Variants in MGAT4C observed in about 807,000 individuals in gnomAD.
The protein encoded by MGAT4C is MGAT4 family member C, also known as alpha-1,3-mannosyl-glycoprotein 4-beta-N-acetylglucosaminyltransferase C.
In MGAT4C, 19 loss-of-function variants were observed where a neutral mutation model predicts 40.1. The ratio of observed to expected loss-of-function variants is 0.47; its 90% confidence interval spans 0.33 to 0.70. The LOEUF (loss-of-function observed/expected upper bound fraction) is 0.70, where lower values mean the gene tolerates loss of function less well. Among genes scored for constraint, MGAT4C ranks in the 30% least tolerant of loss-of-function variants. MGAT4C has a pLI of 0.02. For missense variants in MGAT4C, 491 were observed against 563.2 expected (o/e 0.87, Z 1.30); for synonymous variants, 181 against 187.1 (o/e 0.97, Z 0.27).
At chr12:86,320,967 C>T (rs1035233146) in intron 4 of MGAT4C, among the ~76,000 whole-genome samples, 1 of 151,924 alleles carries the variant, frequency 6.6e-6, no homozygotes, top group Non-Finnish European at 1.5e-5. Flanking sequence ...ATTCTTGCTC[C>T]TAAACAATTA....
chr12:86,097,643 C>T (rs1338796208), intron 1 of MGAT4C, among the ~76,000 whole-genome samples: 1 of 151,492 alleles, frequency 6.6e-6, no homozygotes, highest in Non-Finnish European at 1.5e-5. Flanking sequence ...TATATTTCAG[C>T]ATTTGCTTAT....
At chr12:86,466,440 A>G (rs1957684217) in intron 2 of MGAT4C, among the ~76,000 whole-genome samples, 1 of 152,194 alleles carries the variant, frequency 6.6e-6, no homozygotes, top group Admixed American at 6.5e-5. Flanking sequence ...GAATCTGAAA[A>G]GGCTACATAG....
intron 1 of MGAT4C, among the ~76,000 whole-genome samples, chr12:86,248,523 C>T (rs1262552435): frequency 1.3e-5 from 2 of 152,210 alleles, no homozygotes; most frequent in Admixed American, 6.5e-5. Context: ...ATCACTTGCA[C>T]GCTCTTATGC....
chr12:86,046,878 A>G (rs2136955857), intron 2 of MGAT4C, among the ~76,000 whole-genome samples: 1 of 152,306 alleles, frequency 6.6e-6, no homozygotes, highest in African/African-American at 2.4e-5. Flanking sequence ...TGAATCATAC[A>G]CGAAAGAAAT....
chr12:86,095,194 T>G (rs372529409), intron 1 of MGAT4C, among the ~76,000 whole-genome samples: 1 of 152,124 alleles, frequency 6.6e-6, no homozygotes, highest in East Asian at 1.9e-4. Flanking sequence ...TAAAGAGACT[T>G]GATGACTAGC....
intron 2 of MGAT4C, among the ~76,000 whole-genome samples, chr12:86,652,084 C>G (rs946029589): frequency 6.6e-6 from 1 of 151,690 alleles, no homozygotes; most frequent in Non-Finnish European, 1.5e-5. Context: ...AGTTTTTTTG[C>G]AACTTACTTG....
chr12:86,007,919 CT>C (rs34235744), intron 2 of MGAT4C, among the ~76,000 whole-genome samples: 37,576 of 151,748 alleles, frequency 0.25, 5,835 homozygotes, highest in South Asian at 0.38. Flanking sequence ...GATGAAGTCC[CT>C]TTTCTATCCC....
At position 85,983,591 on chromosome 12, in the gene MGAT4C, A is replaced by G. The variant is rs1201756835; in HGVS notation, c.227T>C (p.Leu76Ser). ...ATTTATGGCTCCTGAGAAATTAGAT[A>G]AATCCTTGAAAGTATGAACATAGCG... Reference protein sequence around the residue: ...SERYVHTFKDLSNFSGAINVT... With the variant: ...SERYVHTFKDSSNFSGAINVT... The change falls in exon 4 of 5, where the codon TTA becomes TCA. Residue 76 changes from leucine to serine, a missense_variant. Leu to Ser is a moderately radical substitution (Grantham distance 145, BLOSUM62 -2). Coordinates refer to ENST00000611864, the MANE Select transcript of MGAT4C (RefSeq NM_001351288.2). 6.3e-7 allele frequency: 1 copy of G among 1,598,412 alleles called. No homozygotes were observed.
rs137890753 is a variant in MGAT4C at position 86,745,731 on chromosome 12, C to A, written c.-261-18490G>T. On this transcript the variant is annotated intron_variant, in intron 1 of 7. Transcript: ENST00000548651. Reference sequence around the variant, plus strand: ...AAATCTGGCTCCATTAAAGTATCTTCTTTTTAATAAAACTACAAAAATTTA... The same window carrying A: ...AAATCTGGCTCCATTAAAGTATCTTATTTTTAATAAAACTACAAAAATTTA... Among the ~76,000 whole-genome samples the A allele has an allele frequency of 5.5e-3, 839 of 151,656 alleles. 3 individuals are homozygous for A. The highest frequency in any genetic ancestry group is 8.9e-3 in the Non-Finnish European group (606 of 67,740).
chr12:86,558,175 A>G (rs1209895758), intron 2 of MGAT4C, among the ~76,000 whole-genome samples: 1 of 152,082 alleles, frequency 6.6e-6, no homozygotes, highest in African/African-American at 2.4e-5. Flanking sequence ...AAAGAAAATA[A>G]AAGAAAGATG....
chr12:86,489,305 C>T (rs539802412), intron 2 of MGAT4C, among the ~76,000 whole-genome samples: 27 of 152,286 alleles, frequency 1.8e-4, no homozygotes, highest in African/African-American at 6.5e-4. Flanking sequence ...GAGCTGCTTT[C>T]ATCACCCAGT....
rs749782221 is a variant in MGAT4C at position 85,980,131 on chromosome 12, G to A, written c.595C>T (p.Arg199Cys). ...YNDPEDRVKF[R>C]SKQNVDYAFL... is the part of the protein sequence containing the mutation. ...GCATAATCTACATTTTGCTTGGAAC[G>A]AAATTTGACTCTATCTTCTGGATCA... The change falls in exon 5 of 5, where the codon CGT becomes TGT. Residue 199 changes from arginine to cysteine, a missense_variant. Coordinates refer to ENST00000611864, the MANE Select transcript of MGAT4C (RefSeq NM_001351288.2). 9 of 1,613,788 alleles carry A rather than the reference G, an allele frequency of 5.6e-6. No homozygotes were observed. Among genetic ancestry groups the A allele is most frequent in the Non-Finnish European group, 6.8e-6 (8 of 1,179,888 alleles).
chr12:86,269,455 T>C (rs1198803403), intron 4 of MGAT4C, among the ~76,000 whole-genome samples: 1 of 151,976 alleles, frequency 6.6e-6, no homozygotes, highest in Non-Finnish European at 1.5e-5. Context: ...CCAATTTAAC[T>C]ACAGTCATAA....
intron 1 of MGAT4C, among the ~76,000 whole-genome samples, chr12:86,079,193 G>T (rs1592874975): frequency 6.6e-6 from 1 of 152,272 alleles, no homozygotes; most frequent in East Asian, 1.9e-4. Flanking sequence ...TGTTGGGTAT[G>T]TAGTCAAATC....
chr12:86,310,779 C>T (rs921413030), intron 4 of MGAT4C, among the ~76,000 whole-genome samples: 1 of 152,070 alleles, frequency 6.6e-6, no homozygotes, highest in Non-Finnish European at 1.5e-5. Context: ...AAAAAATTAG[C>T]CAGGTATGGT....
intron 1 of MGAT4C, among the ~76,000 whole-genome samples, chr12:86,770,164 T>A (rs1951605540): frequency 6.6e-6 from 1 of 152,068 alleles, no homozygotes; most frequent in Non-Finnish European, 1.5e-5. Context: ...TCATAGAACG[T>A]TAGTATTCTA....
At chr12:86,536,663 C>T (rs1227961183) in intron 2 of MGAT4C, among the ~76,000 whole-genome samples, 2 of 152,102 alleles carry the variant, frequency 1.3e-5, no homozygotes, top group East Asian at 1.9e-4. Flanking sequence ...GAGTTTTAAG[C>T]AGAAAAGATT....
chr12:86,159,425 C>CT (rs34467579), intron 1 of MGAT4C, among the ~76,000 whole-genome samples: 109 of 147,854 alleles, frequency 7.4e-4, no homozygotes, highest in Admixed American at 1.4e-3. Context: ...CAATTTGCTA[C>CT]TTTTTTTTTT....
chr12:86,393,462 AC>A (rs1208161619), intron 3 of MGAT4C, among the ~76,000 whole-genome samples: 1 of 152,226 alleles, frequency 6.6e-6, no homozygotes, highest in African/African-American at 2.4e-5. Flanking sequence ...GTTTGGAGAG[AC>A]AAAATTTTTT....
Sources: allele counts gnomAD v4.1 joint callset (sites outside exome capture counted in the v4.1 genomes callset), GRCh38; gene constraint gnomAD v4.1.1; transcripts MANE v1.5; gene names NCBI Gene and HGNC (gene_info 2026-07-23, HGNC 2026-07-21).